The following POLE4 variants were observed in gnomAD, a reference collection of about 807,000 sequenced individuals.
The protein encoded by POLE4 is DNA polymerase epsilon subunit 4.
POLE4 carries 15 observed loss-of-function variants against 15.6 expected under a neutral mutation model. That is an observed-to-expected ratio of 0.96 (90% CI 0.64 to 1.48). The LOEUF (loss-of-function observed/expected upper bound fraction) is 1.48. Among genes scored for constraint, POLE4 ranks in the 40% most tolerant of loss-of-function variants. POLE4 has a pLI of 0.00. For missense variants in POLE4, 205 were observed against 151.9 expected, an observed-to-expected ratio of 1.35 and a Z score of -1.84; for synonymous variants, 83 against 63.2, an observed-to-expected ratio of 1.31 and a Z score of -1.49.
At chr2:74,965,379 G>T (rs10169674) in intron 3 of POLE4, among the ~76,000 whole-genome samples, 313 of 152,264 alleles carry the variant, frequency 2.1e-3, no homozygotes, top group African/African-American at 7.0e-3. Context: ...GATTACAGGC[G>T]TGAGCCACCG....
intron 3 of POLE4, 121 bp from the exon 4 acceptor site, chr2:74,969,287 AT>A (rs773924775): frequency 2.2e-4 from 188 of 851,920 alleles, no homozygotes; most frequent in South Asian, 4.7e-4. Context: ...CAAAATTAGT[AT>A]TTTGGTCTTA....
chr2:74,968,680 C>T (rs1484879537), intron 3 of POLE4, among the ~76,000 whole-genome samples: 2 of 150,580 alleles, frequency 1.3e-5, no homozygotes, highest in Non-Finnish European at 2.9e-5. Context: ...GTTGTCCTGC[C>T]TGTGGGGAGG....
intron 3 of POLE4, among the ~76,000 whole-genome samples, chr2:74,963,053 G>A (rs1671247356): frequency 6.6e-6 from 1 of 152,096 alleles, no homozygotes; most frequent in African/African-American, 2.4e-5. Flanking sequence ...TTGATATTTG[G>A]GAAACCTTAT....
intron 3 of POLE4, among the ~76,000 whole-genome samples, chr2:74,965,238 C>G (rs1671279598): frequency 6.6e-6 from 1 of 151,792 alleles, no homozygotes; most frequent in African/African-American, 2.4e-5. Context: ...GGATTACAGG[C>G]TCGCACCACC....
At chr2:74,966,405 G>A (rs1671296768) in intron 3 of POLE4, among the ~76,000 whole-genome samples, 1 of 151,972 alleles carries the variant, frequency 6.6e-6, no homozygotes, top group African/African-American at 2.4e-5. Context: ...TTTCCTTTCT[G>A]GATTATTATT....
Position 74,960,158 on chromosome 2 carries a change from C to G in POLE4, c.340+12C>G, listed in dbSNP as rs757448889. On this transcript the variant is annotated intron_variant, in intron 3 of 3. Transcript: ENST00000483063. ...TGCTTTTCTGGAAGGTGAGTTCCCTCTCAGTGGGCAATCATTTCCGCCTGT... is the reference window on the plus strand; with the variant it reads ...TGCTTTTCTGGAAGGTGAGTTCCCTGTCAGTGGGCAATCATTTCCGCCTGT... The G allele has an allele frequency of 6.2e-7, 1 of 1,604,988 alleles. No homozygotes were observed.
At chr2:74,960,450 G>A in intron 3 of POLE4, 1 of 473,472 alleles carries the variant, frequency 2.1e-6, no homozygotes, top group Admixed American at 3.2e-5. Context: ...CTAAATGTCA[G>A]GCTTGCCCCC....
At position 74,969,441 on chromosome 2, in the gene POLE4, T is replaced by C. The variant is rs780195698; in HGVS notation, c.*19T>C. ...AGATTGATTGCCGAGCGGGGCAGTT[T>C]TGTGAGCCTTCATCTGAAGCCTTCA... On this transcript the variant is annotated 3_prime_UTR_variant, in exon 4 of 4. Coordinates refer to ENST00000483063, the MANE Select transcript of POLE4 (RefSeq NM_019896.4). The C allele has an allele frequency of 2.5e-6, 4 of 1,613,030 alleles. No individual in the cohort carries two copies. The highest frequency in any genetic ancestry group is 3.4e-6 in the Non-Finnish European group (4 of 1,178,962).
chr2:74,966,445 A>G (rs1281369065), intron 3 of POLE4, among the ~76,000 whole-genome samples: 1 of 152,172 alleles, frequency 6.6e-6, no homozygotes, highest in African/African-American at 2.4e-5. Context: ...TTCGTCACCC[A>G]GGCTGGAGTG....
intron 1 of POLE4, 160 bp downstream of exon 1, chr2:74,959,052 G>A (rs1362325285): frequency 3.0e-6 from 2 of 666,988 alleles, no homozygotes; most frequent in South Asian, 3.8e-5. Flanking sequence ...ACCTGTGCGA[G>A]TTTTGTTAAC....
chr2:74,962,937 C>G (rs1487102162), intron 3 of POLE4, among the ~76,000 whole-genome samples: 5 of 152,214 alleles, frequency 3.3e-5, no homozygotes, highest in African/African-American at 1.2e-4. Context: ...TGTCACACAA[C>G]TGTTTTAAGT....
At chr2:74,959,702 C>G in intron 2 of POLE4, 1 of 423,300 alleles carries the variant, frequency 2.4e-6, no homozygotes, top group Non-Finnish European at 4.2e-6. Context: ...TCTTTTTCAC[C>G]TAGCAACTGG....
At chr2:74,963,106 A>G (rs1316925750) in intron 3 of POLE4, among the ~76,000 whole-genome samples, 5 of 152,210 alleles carry the variant, frequency 3.3e-5, no homozygotes. Context: ...TCTTGTACAT[A>G]TTTCTCTAGG....
Position 74,958,872 on chromosome 2 carries a change from T to A in POLE4, c.193T>A (p.Phe65Ile). Reference sequence around the variant, plus strand: ...GACGCTAGCGGGACAGGAAGCCATCTTCATTCTGGCACGAGCCGCGGTGCG... The same window carrying A: ...GACGCTAGCGGGACAGGAAGCCATCATCATTCTGGCACGAGCCGCGGTGCG... Reference protein sequence around the residue: ...DVTLAGQEAIFILARAAELFV... With the variant: ...DVTLAGQEAIIILARAAELFV... Residue 65 changes from phenylalanine to isoleucine, a missense_variant, in exon 1 of 4, where the codon TTC (phenylalanine) becomes ATC (isoleucine). Physicochemically the swap from Phe to Ile is conservative, Grantham distance 21. Transcript: ENST00000483063. The A allele has an allele frequency of 6.4e-7, 1 of 1,559,368 alleles. No individual in the cohort carries two copies. Among genetic ancestry groups the A allele is most frequent in the Non-Finnish European group, 8.7e-7 (1 of 1,151,656 alleles).
rs902258595 is a variant in POLE4, at chr2:74,961,288, T to A, written c.340+1142T>A. On this transcript the variant is annotated intron_variant, in intron 3 of 3. Coordinates refer to ENST00000483063, the MANE Select transcript of POLE4 (RefSeq NM_019896.4). ...TGTCAACCTAGGCCCCTGGTCCTTT[T>A]GATAGATATTTTTTAAATGTCTTAT... 2.0e-5 allele frequency: 3 copies of A among 152,350 alleles called. 1 individual carries two copies. The South Asian group carries it at 6.2e-4, about 32-fold the overall frequency. 9.4% of individuals were successfully genotyped at this position (152,350 alleles called of 1,614,324 possible).
In POLE4 at chr2:74,969,522, A is replaced by G. The variant is rs1304108801; in HGVS notation, c.*100A>G. ...AAGAACGGAGTCTTTGCACTTACAC[A>G]CACTCTTCCTGTTCTGCCTTCACCT... On this transcript the variant is annotated 3_prime_UTR_variant, in exon 4 of 4. Transcript: ENST00000483063. 6 of 1,031,614 alleles carry G rather than the reference A, an allele frequency of 5.8e-6. No individual in the cohort carries two copies. Among genetic ancestry groups the G allele is most frequent in the Non-Finnish European group, 9.3e-6 (6 of 648,386 alleles). 63.9% of individuals were successfully genotyped at this position (1,031,614 alleles called of 1,614,324 possible). A position where few individuals can be genotyped will look rare whatever the true frequency, so the allele number is the denominator to read the frequency against.
intron 3 of POLE4, among the ~76,000 whole-genome samples, chr2:74,965,280 A>T (rs1671279968): frequency 6.6e-6 from 1 of 151,748 alleles, no homozygotes; most frequent in African/African-American, 2.4e-5. Context: ...TTTAGTAGAG[A>T]TGGGGTTTTG....
chr2:74,967,014 A>AT (rs1671307050), intron 3 of POLE4, among the ~76,000 whole-genome samples: 2 of 151,084 alleles, frequency 1.3e-5, no homozygotes. Flanking sequence ...TGCTTTTAAG[A>AT]TTTTCACTTT....
intron 3 of POLE4, among the ~76,000 whole-genome samples, chr2:74,962,983 A>G (rs991368994): frequency 3.3e-5 from 5 of 152,372 alleles, no homozygotes; most frequent in Non-Finnish European, 5.9e-5. Flanking sequence ...GTGATTGCAC[A>G]TAACTCATTT....
Sources: allele counts gnomAD v4.1 joint callset (sites outside exome capture counted in the v4.1 genomes callset), GRCh38; gene constraint gnomAD v4.1.1; transcripts MANE v1.5; gene names NCBI Gene and HGNC (gene_info 2026-07-23, HGNC 2026-07-21).